Variants in NIPSNAP3B observed in about 807,000 individuals in gnomAD.
The protein encoded by NIPSNAP3B is nipsnap homolog 3B, also known as protein NipSnap homolog 3B.
NIPSNAP3B carries 30 observed loss-of-function variants against 31.5 expected under a neutral mutation model. The observed-to-expected ratio is 0.95, with a 90% confidence interval of 0.71 to 1.29. The LOEUF is 1.29. Ranked by LOEUF, NIPSNAP3B falls within the 50% of genes most tolerant of loss-of-function variation. NIPSNAP3B has a pLI of 0.00. For missense variants in NIPSNAP3B, 269 were observed against 300.7 expected (o/e 0.89, Z 0.78); for synonymous variants, 106 against 107.9 (o/e 0.98, Z 0.11).
intron 3 of NIPSNAP3B, among the ~76,000 whole-genome samples, chr9:104,769,243 C>T (rs569569400): frequency 6.6e-6 from 1 of 152,222 alleles, no homozygotes; most frequent in South Asian, 2.1e-4. Flanking sequence ...CACTTGAGGT[C>T]AAGAATTCAA....
downstream of NIPSNAP3B, among the ~76,000 whole-genome samples, chr9:104,777,841 C>G (rs1172221680): frequency 6.6e-6 from 1 of 152,206 alleles, no homozygotes; most frequent in Non-Finnish European, 1.5e-5. Flanking sequence ...CCTTCCTTGC[C>G]TCTCAGTCTT....
Position 104,776,446 on chromosome 9 carries a change from G to A in NIPSNAP3B, c.*3373G>A, listed in dbSNP as rs573642602. Among the ~76,000 whole-genome samples, 1 of 152,188 alleles carries A rather than the reference G, an allele frequency of 6.6e-6. No individual in the cohort carries two copies. Among genetic ancestry groups the A allele is most frequent in the South Asian group, 2.1e-4 (1 of 4,820 alleles). On this transcript the variant is annotated 3_prime_UTR_variant, in exon 6 of 6. Coordinates refer to ENST00000374762, the MANE Select transcript of NIPSNAP3B (RefSeq NM_018376.4). ...CCTTAATCTCAACATAGGAGGTTTG[G>A]CCTTTGTGAGTTAGTTTTAGATGAG...
At chr9:104,788,652 A>G in the NIPSNAP3B span, 2 of 1,481,750 alleles carry the variant, frequency 1.3e-6, 1 homozygote, top group Middle Eastern at 3.8e-4. Flanking sequence ...CCTGTAAAGT[A>G]TGCTTCTCCA....
chr9:104,771,207 G>T, intron 4 of NIPSNAP3B: 2 of 454,392 alleles, frequency 4.4e-6, no homozygotes, highest in South Asian at 3.8e-5. Context: ...TGCTGAACTG[G>T]TGTTTGTTTT....
chr9:104,786,313 T>G, the NIPSNAP3B span: 1 of 1,614,034 alleles, frequency 6.2e-7, no homozygotes, highest in South Asian at 1.1e-5. Context: ...TTTTAGATGC[T>G]GGACACTGCC....
downstream of NIPSNAP3B, chr9:104,781,635 G>A (rs567952864): frequency 1.3e-5 from 2 of 152,704 alleles, no homozygotes; most frequent in South Asian, 2.1e-4. Flanking sequence ...AGTAGTGTGA[G>A]GTTTGGTTGT....
chr9:104,777,020 G>A lies in NIPSNAP3B; in HGVS notation c.*3947G>A, dbSNP rs1031443616. The A allele has an allele frequency of 2.0e-5, 3 of 152,220 alleles. No homozygotes were observed. The highest frequency in any genetic ancestry group is 7.2e-5 in the African/African-American group (3 of 41,462). The allele number at this position is 152,220 out of a possible 1,614,324, so 9.4% of individuals were successfully genotyped here. On this transcript the variant is annotated 3_prime_UTR_variant, in exon 6 of 6. Transcript: ENST00000374762. ...GGAATACACGATGAATGACTCAGTAGAAGTTCTGGCTATGGGGGAGTGCCA... is the reference window on the plus strand; with the variant it reads ...GGAATACACGATGAATGACTCAGTAAAAGTTCTGGCTATGGGGGAGTGCCA...
rs762443365 is a variant in NIPSNAP3B at position 104,775,946 on chromosome 9, G to T, written c.*2873G>T. On this transcript the variant is annotated 3_prime_UTR_variant, in exon 6 of 6. Coordinates refer to ENST00000374762, the MANE Select transcript of NIPSNAP3B (RefSeq NM_018376.4). Reference sequence around the variant, plus strand: ...AAGCCCATCATCATCTGGATTTTTGGGAAGTGGTCTTAACTGGTGTGCTGC... The same window carrying T: ...AAGCCCATCATCATCTGGATTTTTGTGAAGTGGTCTTAACTGGTGTGCTGC... Among the ~76,000 whole-genome samples the T allele has an allele frequency of 2.0e-5, 3 of 152,106 alleles. No homozygotes were observed. The highest frequency in any genetic ancestry group is 2.9e-5 in the Non-Finnish European group (2 of 68,024).
chr9:104,772,387 G>A (rs1022629478), intron 4 of NIPSNAP3B, among the ~76,000 whole-genome samples: 1 of 151,888 alleles, frequency 6.6e-6, no homozygotes, highest in Non-Finnish European at 1.5e-5. Context: ...TATACACTAA[G>A]ACCCTAATTT....
chr9:104,779,898 G>A (rs550135852), downstream of NIPSNAP3B, among the ~76,000 whole-genome samples: 2 of 152,230 alleles, frequency 1.3e-5, no homozygotes, highest in East Asian at 3.9e-4. Flanking sequence ...GGTTGTGGTG[G>A]CGCATGCCTG....
the NIPSNAP3B span, chr9:104,785,520 T>A: frequency 6.2e-7 from 1 of 1,614,170 alleles, no homozygotes; most frequent in East Asian, 2.2e-5. Flanking sequence ...TTGTAGCATG[T>A]TCCGGTGTTT....
At chr9:104,771,110 T>C in intron 4 of NIPSNAP3B, 112 bp downstream of exon 4, 2 of 943,686 alleles carry the variant, frequency 2.1e-6, no homozygotes, top group Admixed American at 4.8e-5. Context: ...TAGAGTTTGT[T>C]GTTTATAGGA....
the NIPSNAP3B span, among the ~76,000 whole-genome samples, chr9:104,790,096 CAA>C: frequency 1.5e-5 from 2 of 135,302 alleles, no homozygotes; most frequent in Non-Finnish European, 1.6e-5. Context: ...AACTCCGTCT[CAA>C]AAAAAAAAAA....
At chr9:104,783,997 A>C in the NIPSNAP3B span, 6 of 238,346 alleles carry the variant, frequency 2.5e-5, no homozygotes, top group East Asian at 9.2e-5. Flanking sequence ...CAGGAACAAA[A>C]AAAAAAAAAA....
rs181359924 is a variant in NIPSNAP3B, at chr9:104,774,069, A to G, written c.*996A>G. 6.6e-6 allele frequency: 1 copy of G among 152,258 alleles called. No homozygotes were observed. 9.4% of individuals were successfully genotyped at this position (152,258 alleles called of 1,614,324 possible). On this transcript the variant is annotated 3_prime_UTR_variant, in exon 6 of 6. Coordinates refer to ENST00000374762, the MANE Select transcript of NIPSNAP3B (RefSeq NM_018376.4). ...CATTTCCATTTTACTTGATGCCTCT[A>G]CCTACTAAAACTAGATTTGGTACTT...
chr9:104,786,272 TA>T, the NIPSNAP3B span: 1 of 1,569,032 alleles, frequency 6.4e-7, no homozygotes, highest in South Asian at 1.1e-5. Context: ...CACTAGGCAC[TA>T]TCCCAAAGAA....
At chr9:104,765,280 G>A (rs1003110223) in intron 1 of NIPSNAP3B, among the ~76,000 whole-genome samples, 13 of 152,204 alleles carry the variant, frequency 8.5e-5, no homozygotes, top group African/African-American at 3.1e-4. Context: ...AGTGAAAGAT[G>A]CCTACTGAAA....
chr9:104,771,717 G>T (rs1828224041), intron 4 of NIPSNAP3B, among the ~76,000 whole-genome samples: 1 of 152,190 alleles, frequency 6.6e-6, no homozygotes, highest in Admixed American at 6.5e-5. Flanking sequence ...ATGGTAAAAT[G>T]ATTTATATTT....
chr9:104,784,504 A>T, the NIPSNAP3B span: 1 of 1,609,298 alleles, frequency 6.2e-7, no homozygotes, highest in South Asian at 1.1e-5. Flanking sequence ...CAACTTGCTC[A>T]TTCTTTATTC....
Sources: allele counts gnomAD v4.1 joint callset (sites outside exome capture counted in the v4.1 genomes callset), GRCh38; gene constraint gnomAD v4.1.1; transcripts MANE v1.5; gene names NCBI Gene and HGNC (gene_info 2026-07-23, HGNC 2026-07-21).